The following MYT1 variants were observed in gnomAD, a reference collection of about 807,000 sequenced individuals.
The protein encoded by MYT1 is myelin transcription factor 1.
A neutral mutation model predicts 123.0 loss-of-function variants in MYT1; 23 were observed. The ratio of observed to expected loss-of-function variants is 0.19; its 90% CI spans 0.13 to 0.26. The LOEUF (loss-of-function observed/expected upper bound fraction) is 0.26, where lower values mean the gene tolerates loss of function less well. MYT1 is among the 10% of genes least tolerant of loss of function. MYT1 has a pLI of 1.00. For synonymous variants in MYT1, 518 were observed against 575.3 expected (o/e 0.90, Z 1.43); for missense variants, 1,125 against 1,472.5 (o/e 0.76, Z 3.86).
At chr20:64,170,951 T>TTGGCC (rs1200321580) in intron 1 of MYT1, among the ~76,000 whole-genome samples, 1 of 142,662 alleles carries the variant, frequency 7.0e-6, no homozygotes, top group African/African-American at 2.6e-5. Context: ...TCTTGCTCTG[T>TTGGCC]TGGCCTGGCT....
intron 2 of MYT1, among the ~76,000 whole-genome samples, chr20:64,195,305 A>G (rs1242646775): frequency 6.6e-6 from 1 of 151,036 alleles, no homozygotes; most frequent in African/African-American, 2.4e-5. Flanking sequence ...GCCAGCATGC[A>G]GATGAGTCTG....
At chr20:64,184,463 T>C (rs1026796273) in intron 1 of MYT1, among the ~76,000 whole-genome samples, 2 of 152,106 alleles carry the variant, frequency 1.3e-5, no homozygotes, top group East Asian at 3.9e-4. Context: ...TTCTGGACTC[T>C]CAATTATGTC....
Position 64,211,335 on chromosome 20 carries a change from C to A in MYT1, c.1421C>A (p.Pro474Gln). The change falls in exon 8 of 23, where the codon CCA becomes CAA. Residue 474 changes from proline (P) to glutamine (Q), a missense_variant. By Grantham distance (76) the Pro-to-Gln change is moderately conservative. This residue lies in a region of MYT1 where 429 missense variants were observed against 604.1 expected (regional missense o/e 0.71). Transcript: ENST00000328439. ...SGCPHKDRIP[P>Q]EILAMHENVL... ...TGTCCCCACAAGGATAGGATCCCCC[C>A]AGAGAGTGAGTAGCTCTGTGCAGCG... is the stretch of plus-strand genomic sequence containing the variant. The A allele has an allele frequency of 6.2e-7, 1 of 1,612,786 alleles. No homozygotes were observed.
chr20:64,208,090 G>T lies in MYT1; in HGVS notation c.894G>T (p.Glu298Asp). ...EEEEEEEEEE[E>D]EEEEEEEEAA... ...AGGAAGAGGAAGAGGAGGAGGAAGAGGAAGAGGAAGAGGAGGAGGAGGAGG... is the reference window on the plus strand; with the variant it reads ...AGGAAGAGGAAGAGGAGGAGGAAGATGAAGAGGAAGAGGAGGAGGAGGAGG... The change falls in exon 7 of 23, where the codon GAG (glutamate) becomes GAT (aspartate). Residue 298 changes from glutamate to aspartate, a missense_variant. Physicochemically the swap from Glu to Asp is conservative, Grantham distance 45. Transcript: ENST00000328439. The surrounding 1 kb of genome is among the most constrained non-coding windows in gnomAD (Gnocchi z 5.4). The T allele has an allele frequency of 6.2e-7, 1 of 1,608,944 alleles. No homozygotes were observed.
rs770370145 is a variant in MYT1, at chr20:64,232,655, T to C, written c.2897+270T>C. Among the ~76,000 whole-genome samples the C allele has an allele frequency of 4.6e-4, 70 of 152,140 alleles. 1 individual carries two copies. Among genetic ancestry groups the C allele is most frequent in the Non-Finnish European group, 3.7e-4 (25 of 68,010 alleles). On this transcript the variant is annotated intron_variant, in intron 19 of 22. Transcript: ENST00000328439. The surrounding 1 kb of genome is among the most constrained non-coding windows in gnomAD (Gnocchi z 6.9). ...TGGAGTCCTTCCTGGCTGGGTGTTA[T>C]GCTGGACACAGAGGCCACACATGAG... is the stretch of plus-strand genomic sequence containing the variant.
At chr20:64,222,180 G>C (rs1267801685) in intron 14 of MYT1, 133 bp downstream of exon 14, 1 of 949,454 alleles carries the variant, frequency 1.1e-6, no homozygotes, top group Non-Finnish European at 1.6e-6. Context: ...CCTCGAGCCA[G>C]GCAGCCTGTG....
chr20:64,188,048 G>GCT (rs1426288101), intron 1 of MYT1, among the ~76,000 whole-genome samples: 99 of 152,340 alleles, frequency 6.5e-4, no homozygotes, highest in African/African-American at 2.1e-3. Flanking sequence ...AGAGCCCAGG[G>GCT]CTGACTGACC....
chr20:64,239,640 C>A, intron 21 of MYT1, 120 bp from the exon 22 acceptor site: 1 of 1,443,760 alleles, frequency 6.9e-7, no homozygotes, highest in Non-Finnish European at 9.3e-7. Flanking sequence ...GGGTCCCTGC[C>A]TCTTCCCCCA....
At position 64,230,526 on chromosome 20, in the gene MYT1, A is replaced by G. The variant is rs190099252; in HGVS notation, c.2676-1638A>G. 3.3e-5 allele frequency among the ~76,000 whole-genome samples: 5 copies of G among 152,272 alleles called. No individual in the cohort carries two copies. The East Asian group carries it at 9.7e-4, about 29-fold the overall frequency. ...GAGACTCCATCTCAAAAATACTACT[A>G]CTACTACTAATAATAATTCAGATTC... On this transcript the variant is annotated intron_variant, in intron 18 of 22. Coordinates refer to ENST00000328439, the MANE Select transcript of MYT1 (RefSeq NM_004535.3).
chr20:64,225,052 A>C (rs149845643), intron 16 of MYT1, among the ~76,000 whole-genome samples: 2 of 152,304 alleles, frequency 1.3e-5, no homozygotes, highest in Non-Finnish European at 2.9e-5. Context: ...ACCGCTCATC[A>C]GCATCAGCAG....
At position 64,217,116 on chromosome 20, in the gene MYT1, C is replaced by T. The variant is rs774892018; in HGVS notation, c.1681C>T (p.Arg561Trp). 23 of 1,613,904 alleles carry T rather than the reference C, an allele frequency of 1.4e-5. No individual in the cohort carries two copies. The highest frequency in any genetic ancestry group is 6.6e-5 in the South Asian group (6 of 91,088). The stretch of plus-strand genomic sequence containing the variant: ...CGAGGTCCCTCCATATGGGAGCTAC[C>T]GGCCCAACGTGGCCCCCGCCACACC... ...QLEVPPYGSY[R>W]PNVAPATPRA... The change falls in exon 11 of 23, where the codon CGG becomes TGG. Residue 561 changes from arginine (R) to tryptophan (W), a missense_variant. This residue lies in a region of MYT1 where 429 missense variants were observed against 604.1 expected (regional missense o/e 0.71). Transcript: ENST00000328439.
intron 18 of MYT1, among the ~76,000 whole-genome samples, chr20:64,229,453 A>G (rs1984261830): frequency 6.6e-6 from 1 of 152,220 alleles, no homozygotes; most frequent in Non-Finnish European, 1.5e-5. Flanking sequence ...TTAAAAAAAA[A>G]CAAGAGTTCT....
rs576904391 is a variant in MYT1, at chr20:64,171,475, T to A, written c.-99+6736T>A. Among the ~76,000 whole-genome samples the A allele has an allele frequency of 9.2e-5, 14 of 152,334 alleles. No individual in the cohort carries two copies. In the South Asian group the frequency reaches 2.9e-3, roughly 32 times the overall value. ...GTCACCCACACCGGTGGCCTGGGCT[T>A]TGTCTGGCTGCAAATCGCACATGCG... On this transcript the variant is annotated intron_variant, in intron 1 of 22. Coordinates refer to ENST00000328439, the MANE Select transcript of MYT1 (RefSeq NM_004535.3).
intron 1 of MYT1, among the ~76,000 whole-genome samples, chr20:64,177,081 A>G (rs1430886067): frequency 1.3e-5 from 2 of 152,246 alleles, no homozygotes; most frequent in East Asian, 3.8e-4. Flanking sequence ...CTATTTGCAT[A>G]TAAATGGAAA....
chr20:64,178,222 G>A (rs1045785367), intron 1 of MYT1, among the ~76,000 whole-genome samples: 3 of 152,230 alleles, frequency 2.0e-5, no homozygotes, highest in Non-Finnish European at 4.4e-5. Flanking sequence ...AAAGGGCCAA[G>A]CTGTTTCTCC....
chr20:64,166,058 C>A lies in MYT1; in HGVS notation c.-99+1319C>A, dbSNP rs1284935758. ...TCTACAGGGCTGACTGAGGGAGGCTCCCCTCGGCCCCCAGCCTCCCTGCCA... is the reference window on the plus strand; with the variant it reads ...TCTACAGGGCTGACTGAGGGAGGCTACCCTCGGCCCCCAGCCTCCCTGCCA... On this transcript the variant is annotated intron_variant, in intron 1 of 22. Transcript: ENST00000328439. This position sits in a 1 kb window ranked among gnomAD's most constrained non-coding sequence, Gnocchi z 4.9. 2.6e-5 allele frequency among the ~76,000 whole-genome samples: 4 copies of A among 152,122 alleles called. No homozygotes were observed. Among genetic ancestry groups the A allele is most frequent in the Non-Finnish European group, 5.9e-5 (4 of 68,010 alleles).
intron 13 of MYT1, 113 bp from the exon 14 acceptor site, chr20:64,221,780 G>C: frequency 9.1e-7 from 1 of 1,095,510 alleles, no homozygotes; most frequent in African/African-American, 1.6e-5. Flanking sequence ...GGAGACTCCG[G>C]GAGATGCTTC....
At chr20:64,201,722 C>T (rs904272257) in intron 4 of MYT1, among the ~76,000 whole-genome samples, 12 of 152,210 alleles carry the variant, frequency 7.9e-5, no homozygotes, top group African/African-American at 1.2e-4. Context: ...GGGCTCTGAC[C>T]GGACAAGCAG....
intron 14 of MYT1, 81 bp downstream of exon 14, chr20:64,222,128 A>ACGC: frequency 6.6e-7 from 1 of 1,523,298 alleles, no homozygotes; most frequent in Non-Finnish European, 9.0e-7. Flanking sequence ...CCAACCCATG[A>ACGC]CGACCGGGTC....
Sources: allele counts gnomAD v4.1 joint callset (sites outside exome capture counted in the v4.1 genomes callset), GRCh38; gene constraint gnomAD v4.1.1; regional missense constraint gnomAD v4.1.1; non-coding constraint Gnocchi (gnomAD v3.1); transcripts MANE v1.5; gene names NCBI Gene and HGNC (gene_info 2026-07-23, HGNC 2026-07-21).